Variants in SLC19A1 observed in about 807,000 individuals in gnomAD.
SLC19A1 encodes the protein solute carrier family 19 member 1.
A neutral mutation model predicts 35.3 loss-of-function variants in SLC19A1; 37 were observed. The observed-to-expected ratio is 1.05, with a 90% CI of 0.81 to 1.38. The LOEUF (loss-of-function observed/expected upper bound fraction) is 1.38, where lower values mean the gene tolerates loss of function less well. SLC19A1 is among the 40% of genes most tolerant of loss of function. SLC19A1 has a pLI of 0.00. For missense variants in SLC19A1, 831 were observed against 826.9 expected, an observed-to-expected ratio of 1.00 and a Z score of -0.06; for synonymous variants, 460 against 398.5, an observed-to-expected ratio of 1.15 and a Z score of -1.84.
intron 3 of SLC19A1, chr21:45,506,283 G>A (rs2037198600): frequency 5.1e-5 from 20 of 389,686 alleles, no homozygotes; most frequent in South Asian, 4.3e-4. Flanking sequence ...CAAGGCGCCT[G>A]ACGGGACGAG....
chr21:45,530,777 T>G lies in SLC19A1; in HGVS notation c.1144A>C (p.Ile382Leu). Residue 382 changes from isoleucine to leucine, a missense_variant, in exon 4 of 6, where the codon ATC becomes CTC. Coordinates refer to ENST00000311124, the MANE Select transcript of SLC19A1 (RefSeq NM_194255.4). This position sits in a 1 kb window ranked among gnomAD's most constrained non-coding sequence, Gnocchi z 5.3. ...FRGSYQFLVP[I>L]ATFQIASSLS... ...CACCCTTCTGGAACTCACGTGGCGA[T>G]GGGCACGAGGAACTGGTAGGAGCCG... 1 of 1,559,732 alleles carries G rather than the reference T, an allele frequency of 6.4e-7. No homozygotes were observed. Among genetic ancestry groups the G allele is most frequent in the South Asian group, 1.2e-5 (1 of 85,100 alleles).
intron 5 of SLC19A1, among the ~76,000 whole-genome samples, chr21:45,522,124 C>T (rs752910491): frequency 6.6e-6 from 1 of 151,894 alleles, no homozygotes; most frequent in Non-Finnish European, 1.5e-5. Context: ...ATGCTTAAAA[C>T]TCAAGAGTAT....
Position 45,530,732 on chromosome 21 carries a change from C to T in SLC19A1, c.1151+38G>A. On this transcript the variant is annotated intron_variant, in intron 4 of 5. Transcript: ENST00000311124. This position sits in a 1 kb window ranked among gnomAD's most constrained non-coding sequence, Gnocchi z 5.3. ...CGAAGCGCGGGGCTTGATCCTGGCGCCTGCCCGCCCCCGGCTTCCCACCCT... is the reference window on the plus strand; with the variant it reads ...CGAAGCGCGGGGCTTGATCCTGGCGTCTGCCCGCCCCCGGCTTCCCACCCT... The T allele has an allele frequency of 6.5e-7, 1 of 1,540,404 alleles. No individual in the cohort carries two copies. Among genetic ancestry groups the T allele is most frequent in the Non-Finnish European group, 8.8e-7 (1 of 1,140,366 alleles).
In SLC19A1 at chr21:45,507,509, C is replaced by A. The variant is rs573396856; in HGVS notation, c.498-8897G>T. The A allele has an allele frequency of 5.1e-6, 8 of 1,582,578 alleles. No homozygotes were observed. In the South Asian group the frequency reaches 7.9e-5, roughly 16 times the overall value. On this transcript the variant is annotated intron_variant, in intron 3 of 4. Transcript: ENST00000417954. ...GTCGGGTGCTGGGCAGGGAGGGCAC[C>A]CTGGCTCAGGCCCAGCCGCAGGTCC...
downstream of SLC19A1, chr21:45,509,479 C>T (rs764732885): frequency 2.4e-5 from 37 of 1,527,844 alleles, no homozygotes; most frequent in Non-Finnish European, 3.2e-5. Context: ...CCTGGCCAGC[C>T]CCCCTCGCCT....
chr21:45,547,352 C>G (rs1266452992), upstream of SLC19A1, among the ~76,000 whole-genome samples: 3 of 152,144 alleles, frequency 2.0e-5, no homozygotes, highest in African/African-American at 4.8e-5. Flanking sequence ...CAAAGTTAAC[C>G]TGAAAAACTG....
At chr21:45,537,444 G>A (rs1465923575) in intron 2 of SLC19A1, among the ~76,000 whole-genome samples, 1 of 150,352 alleles carries the variant, frequency 6.7e-6, no homozygotes, top group Non-Finnish European at 1.5e-5. Flanking sequence ...GCACCCACGT[G>A]CCTATTCCAG....
rs2078163053 is a variant in SLC19A1 at position 45,537,617 on chromosome 21, T to TCCC, written c.189+153_189+154insGGG. ...CCCGCCCACCCACAGGCAGCCGCCCTGGCACCCAGCGCCCACGTGCCTATT... is the reference window on the plus strand; with the variant it reads ...CCCGCCCACCCACAGGCAGCCGCCCTCCCGGCACCCAGCGCCCACGTGCCTATT... On this transcript the variant is annotated intron_variant, in intron 2 of 5. Coordinates refer to ENST00000311124, the MANE Select transcript of SLC19A1 (RefSeq NM_194255.4). 1.5e-4 allele frequency: 10 copies of TCCC among 65,482 alleles called. 1 individual carries two copies. Among genetic ancestry groups the TCCC allele is most frequent in the African/African-American group, 4.3e-4 (5 of 11,504 alleles). 4.1% of individuals were successfully genotyped at this position (65,482 alleles called of 1,614,324 possible).
In SLC19A1 at chr21:45,504,398, A is replaced by G. The variant is rs2037055410; in HGVS notation, c.498-5786T>C. On this transcript the variant is annotated intron_variant, in intron 3 of 4. Transcript: ENST00000417954. ...TAGGGGTTCAGGGCTCCCGTGTAAC[A>G]AGTGTTTCCGTCCACAGGGGGAGAA... is the stretch of plus-strand genomic sequence containing the variant. 2 of 1,609,472 alleles carry G rather than the reference A, an allele frequency of 1.2e-6. No homozygotes were observed. The highest frequency in any genetic ancestry group is 1.7e-6 in the Non-Finnish European group (2 of 1,178,216).
At position 45,515,476 on chromosome 21, in the gene SLC19A1, CCT is replaced by C; in HGVS notation, c.*180_*181del. The C allele has an allele frequency of 6.7e-7, 1 of 1,496,594 alleles. No homozygotes were observed. The highest frequency in any genetic ancestry group is 8.8e-7 in the Non-Finnish European group (1 of 1,135,540). 92.7% of individuals were successfully genotyped at this position (1,496,594 alleles called of 1,614,324 possible). A position where few individuals can be genotyped will look rare whatever the true frequency, so the allele number is the denominator to read the frequency against. ...AGGGACAGCATGGCCAGGCAGCTGC[CCT>C]GAGTGTCGCCAGCACGCTGTGGCCA... On this transcript the variant is annotated 3_prime_UTR_variant, in exon 6 of 6. Transcript: ENST00000311124.
In SLC19A1 at chr21:45,505,129, C is replaced by T. The variant is rs533456344; in HGVS notation, c.498-6517G>A. On this transcript the variant is annotated intron_variant, in intron 3 of 4. Coordinates refer to the SLC19A1 transcript ENST00000417954. ...CCAGGAAGCGTCTCTTGTCGCCGTCCGTAGGGTCCCAAGGGAGAGAGCATC... is the reference window on the plus strand; with the variant it reads ...CCAGGAAGCGTCTCTTGTCGCCGTCTGTAGGGTCCCAAGGGAGAGAGCATC... 30 of 1,608,302 alleles carry T rather than the reference C, an allele frequency of 1.9e-5. No homozygotes were observed. Among genetic ancestry groups the T allele is most frequent in the African/African-American group, 6.7e-5 (5 of 74,876 alleles).
intron 3 of SLC19A1, chr21:45,506,017 C>G: frequency 6.2e-7 from 1 of 1,611,856 alleles, no homozygotes; most frequent in East Asian, 2.2e-5. Flanking sequence ...CCGAAGCCGC[C>G]TCCTGGGGCT....
chr21:45,559,641 C>T (rs2078596359), intron 1 of SLC19A1, among the ~76,000 whole-genome samples: 1 of 152,210 alleles, frequency 6.6e-6, no homozygotes, highest in Non-Finnish European at 1.5e-5. Context: ...GGATGGACCT[C>T]TGGACGTGGG....
At chr21:45,548,896 T>C (rs2078438933), upstream of SLC19A1, among the ~76,000 whole-genome samples, 1 of 152,214 alleles carries the variant, frequency 6.6e-6, no homozygotes, top group East Asian at 1.9e-4. Context: ...TTTAAGAAGC[T>C]GACAATACTA....
At chr21:45,558,819 T>C (rs1222523189) in intron 1 of SLC19A1, among the ~76,000 whole-genome samples, 1 of 151,634 alleles carries the variant, frequency 6.6e-6, no homozygotes, top group African/African-American at 2.4e-5. Flanking sequence ...TTTTCTTTTT[T>C]TTTTTTTTGA....
In SLC19A1 at chr21:45,540,698, T is replaced by C. The variant is rs2078277091; in HGVS notation, c.-50+1670A>G. Reference sequence around the variant, plus strand: ...CCAGGGGACGCCTAGACTCCAAGTGTCCAGACCCCAGCCCAGTCCCATACA... The same window carrying C: ...CCAGGGGACGCCTAGACTCCAAGTGCCCAGACCCCAGCCCAGTCCCATACA... On this transcript the variant is annotated intron_variant, in intron 1 of 5. Transcript: ENST00000311124. The surrounding 1 kb of genome is among the most constrained non-coding windows in gnomAD (Gnocchi z 5.5). 6.6e-6 allele frequency among the ~76,000 whole-genome samples: 1 copy of C among 152,066 alleles called. No homozygotes were observed. Among genetic ancestry groups the C allele is most frequent in the African/African-American group, 2.4e-5 (1 of 41,408 alleles).
At chr21:45,504,665 T>C in intron 3 of SLC19A1, 1 of 962,784 alleles carries the variant, frequency 1.0e-6, no homozygotes, top group South Asian at 1.5e-5. Context: ...GAGCTGCCCC[T>C]GCAAGCTCAG....
intron 1 of SLC19A1, among the ~76,000 whole-genome samples, chr21:45,557,591 A>T (rs1344855105): frequency 6.6e-6 from 1 of 152,158 alleles, no homozygotes; most frequent in African/African-American, 2.4e-5. Flanking sequence ...GGGTTTGTGC[A>T]GTGACCAGGA....
At position 45,516,074 on chromosome 21, in the gene SLC19A1, C is replaced by T. The variant is rs1255782379; in HGVS notation, c.1360G>A (p.Gly454Ser). 1 of 1,597,398 alleles carries T rather than the reference C, an allele frequency of 6.3e-7. No individual in the cohort carries two copies. Among genetic ancestry groups the T allele is most frequent in the African/African-American group, 1.3e-5 (1 of 74,870 alleles). The change falls in exon 6 of 6, where the codon GGC (glycine) becomes AGC (serine). Residue 454 changes from glycine (G) to serine (S), a missense_variant. Gly to Ser is a moderately conservative substitution (Grantham distance 56, BLOSUM62 0). Transcript: ENST00000311124. ...TGGCCCCGCTGGCAGTGCCGCAGGC[C>T]ATCCAGCATGGCCCCCAAGAAGTAG... ...IIYFLGAMLD[G>S]LRHCQRGHHP... is the part of the protein sequence containing the mutation.
Sources: gnomAD v4.1 joint callset for allele counts (sites outside exome capture counted in the v4.1 genomes callset) on GRCh38, gnomAD v4.1.1 for gene constraint, Gnocchi (gnomAD v3.1) non-coding constraint, MANE v1.5 for transcripts, NCBI Gene and HGNC (gene_info 2026-07-23, HGNC 2026-07-21) for gene names.